CDH18: variants seen among roughly 807,000 people sequenced by gnomAD.
The protein encoded by CDH18 is cadherin 18, also known as cadherin-18.
CDH18 carries 31 observed loss-of-function variants against 67.9 expected under a neutral mutation model. The ratio of observed to expected loss-of-function variants is 0.46; its 90% CI spans 0.34 to 0.62. The LOEUF (loss-of-function observed/expected upper bound fraction) is 0.62. Ranked by LOEUF, CDH18 falls within the 20% of genes least tolerant of loss-of-function variation. The pLI is 0.01. For missense variants in CDH18, 890 were observed against 975.5 expected (o/e 0.91, Z 1.17); for synonymous variants, 362 against 347.2 (o/e 1.04, Z -0.48).
At chr5:20,011,210 T>C (rs565067508) in intron 2 of CDH18, among the ~76,000 whole-genome samples, 6 of 152,200 alleles carry the variant, frequency 3.9e-5, no homozygotes, top group Non-Finnish European at 8.8e-5. Flanking sequence ...ATTATTCTAT[T>C]TGTGGCAATT....
chr5:19,621,963 T>G (rs181550332), intron 5 of CDH18, among the ~76,000 whole-genome samples: 159 of 152,360 alleles, frequency 1.0e-3, no homozygotes, highest in African/African-American at 3.7e-3. Flanking sequence ...TATAGAATTC[T>G]GTTGCCATGT....
At chr5:19,652,426 C>CA (rs1755712665) in intron 5 of CDH18, among the ~76,000 whole-genome samples, 1 of 151,650 alleles carries the variant, frequency 6.6e-6, no homozygotes, top group South Asian at 2.1e-4. Context: ...TTTGCCAGGC[C>CA]AAAAAATAAT....
At position 19,758,328 on chromosome 5, in the gene CDH18, TC is replaced by T. The variant is rs376502210; in HGVS notation, c.229-11093del. Among the ~76,000 whole-genome samples, 447 of 152,268 alleles carry T rather than the reference TC, an allele frequency of 2.9e-3. 2 individuals are homozygous for T. Among genetic ancestry groups the T allele is most frequent in the African/African-American group, 8.5e-3 (355 of 41,542 alleles). The stretch of plus-strand genomic sequence containing the variant: ...CCAGTAACAGGCCAAGAGCTGCCTC[TC>T]AAAAGGACAGTAATTATATGCAGAA... On this transcript the variant is annotated intron_variant, in intron 3 of 12. Transcript: ENST00000382275.
At chr5:20,246,732 C>T (rs1561909379) in intron 2 of CDH18, among the ~76,000 whole-genome samples, 1 of 152,168 alleles carries the variant, frequency 6.6e-6, no homozygotes, top group Non-Finnish European at 1.5e-5. Flanking sequence ...TCCAGAAGAA[C>T]TCACAATTAA....
chr5:20,050,175 G>A (rs1741286086), intron 2 of CDH18, among the ~76,000 whole-genome samples: 1 of 151,846 alleles, frequency 6.6e-6, no homozygotes. Context: ...TTGCCTTTGG[G>A]CAAATTGAGG....
intron 1 of CDH18, among the ~76,000 whole-genome samples, chr5:19,984,803 A>G (rs1482586468): frequency 1.3e-5 from 2 of 152,204 alleles, no homozygotes; most frequent in Non-Finnish European, 2.9e-5. Flanking sequence ...TCTTCAAATC[A>G]TTAAGCTCAG....
intron 2 of CDH18, among the ~76,000 whole-genome samples, chr5:20,235,126 A>G (rs570808658): frequency 6.6e-6 from 1 of 152,268 alleles, no homozygotes; most frequent in South Asian, 2.1e-4. Context: ...AAGCAAATTA[A>G]CTCAAGATAG....
intron 1 of CDH18, among the ~76,000 whole-genome samples, chr5:20,488,343 G>C (rs1377057419): frequency 6.6e-6 from 1 of 152,098 alleles, no homozygotes; most frequent in Admixed American, 6.6e-5. Flanking sequence ...GGATTTTCAC[G>C]TACCCTTTTA....
chr5:19,501,327 G>A (rs912109055), intron 11 of CDH18, among the ~76,000 whole-genome samples: 4 of 149,348 alleles, frequency 2.7e-5, no homozygotes, highest in Admixed American at 2.0e-4. Flanking sequence ...ATTTGGCCAG[G>A]GGCAGAGGCT....
intron 9 of CDH18, among the ~76,000 whole-genome samples, chr5:19,526,270 T>C (rs557564570): frequency 6.6e-6 from 1 of 152,278 alleles, no homozygotes; most frequent in South Asian, 2.1e-4. Context: ...ATGCATGTAT[T>C]TTCCAGCACC....
At chr5:20,172,077 C>T (rs566485744) in intron 2 of CDH18, among the ~76,000 whole-genome samples, 7 of 148,338 alleles carry the variant, frequency 4.7e-5, no homozygotes, top group South Asian at 4.2e-4. Context: ...AGAACTGAAA[C>T]GTTTAGTAAC....
chr5:20,147,490 T>C (rs1162720671), intron 2 of CDH18, among the ~76,000 whole-genome samples: 1 of 152,136 alleles, frequency 6.6e-6, no homozygotes, highest in Non-Finnish European at 1.5e-5. Context: ...TTAAAATCTT[T>C]TAATTTCTGT....
At chr5:20,560,685 C>G (rs529047681) in intron 1 of CDH18, among the ~76,000 whole-genome samples, 2 of 151,964 alleles carry the variant, frequency 1.3e-5, no homozygotes, top group Admixed American at 1.3e-4. Flanking sequence ...TGCTCTAAGT[C>G]TTTCTTCTAC....
chr5:20,517,680 T>A (rs377349552), intron 1 of CDH18, among the ~76,000 whole-genome samples: 64 of 152,210 alleles, frequency 4.2e-4, no homozygotes, highest in African/African-American at 1.4e-3. Flanking sequence ...AGGAAGGTAT[T>A]ACATATACCA....
At chr5:20,437,308 T>C (rs1344678713) in intron 1 of CDH18, among the ~76,000 whole-genome samples, 1 of 151,292 alleles carries the variant, frequency 6.6e-6, no homozygotes, top group Non-Finnish European at 1.5e-5. Flanking sequence ...AATTACTATA[T>C]GTAACTTGAT....
chr5:20,193,292 A>G (rs983306599), intron 2 of CDH18, among the ~76,000 whole-genome samples: 17 of 152,168 alleles, frequency 1.1e-4, no homozygotes, highest in African/African-American at 4.1e-4. Flanking sequence ...CTACCATGAG[A>G]GAATACCATA....
intron 2 of CDH18, among the ~76,000 whole-genome samples, chr5:20,124,907 C>G (rs1201436180): frequency 6.6e-6 from 1 of 152,022 alleles, no homozygotes; most frequent in Non-Finnish European, 1.5e-5. Flanking sequence ...GTTTGAAATA[C>G]TAGATAAGGA....
At chr5:19,552,944 T>C (rs1737726741) in intron 8 of CDH18, among the ~76,000 whole-genome samples, 1 of 152,106 alleles carries the variant, frequency 6.6e-6, no homozygotes. Context: ...GTAAATGTTT[T>C]AAAGCAATGA....
At chr5:19,515,234 T>G (rs1295214972) in intron 10 of CDH18, among the ~76,000 whole-genome samples, 1 of 152,190 alleles carries the variant, frequency 6.6e-6, no homozygotes, top group Non-Finnish European at 1.5e-5. Flanking sequence ...TACCATGCTG[T>G]TTTGGTTACT....
Sources: allele counts gnomAD v4.1 joint callset (sites outside exome capture counted in the v4.1 genomes callset), GRCh38; gene constraint gnomAD v4.1.1; transcripts MANE v1.5; gene names NCBI Gene and HGNC (gene_info 2026-07-23, HGNC 2026-07-21).